The following FER1L5 variants were observed in gnomAD, a reference collection of about 807,000 sequenced individuals.
FER1L5 encodes the protein fer-1 like family member 5.
FER1L5 carries 187 observed loss-of-function variants against 279.9 expected under a neutral mutation model. The observed-to-expected ratio is 0.67, with a 90% CI of 0.59 to 0.75. The LOEUF (loss-of-function observed/expected upper bound fraction) is 0.75, where lower values mean the gene tolerates loss of function less well. FER1L5 is among the 30% of genes least tolerant of loss of function. The pLI is 0.00. For missense variants in FER1L5, 2,091 were observed against 2,594.4 expected (o/e 0.81, Z 4.21); for synonymous variants, 921 against 989.7 (o/e 0.93, Z 1.30).
intron 27 of FER1L5, 129 bp downstream of exon 27, chr2:96,690,718 C>T: frequency 1.3e-6 from 1 of 776,532 alleles, no homozygotes; most frequent in Non-Finnish European, 2.1e-6. Context: ...CCCCTGGCCT[C>T]CAGAGCTGGG....
intron 23 of FER1L5, among the ~76,000 whole-genome samples, chr2:96,686,713 C>A (rs1382808545): frequency 1.3e-5 from 2 of 152,096 alleles, no homozygotes; most frequent in Non-Finnish European, 2.9e-5. Context: ...AAAAAATTAG[C>A]TGGGCATGGT....
At chr2:96,688,659 A>G (rs1006301137) in intron 24 of FER1L5, among the ~76,000 whole-genome samples, 2 of 151,870 alleles carry the variant, frequency 1.3e-5, no homozygotes, top group African/African-American at 4.8e-5. Context: ...TGGATACATC[A>G]TAATATGTCT....
In FER1L5 at chr2:96,652,013, T is replaced by A. The variant is rs1197533149; in HGVS notation, c.626T>A (p.Phe209Tyr). ...ATCAAGATGGGAAACAACCCTTTCT[T>A]TAATGAGGTGGGCTGAACGGGGCAC... ...TRIKMGNNPF[F>Y]NEIFFQNFHE... The change falls in exon 7 of 53, where the codon TTT becomes TAT. Residue 209 changes from phenylalanine (F) to tyrosine (Y), a missense_variant. Transcript: ENST00000624922. 6.4e-7 allele frequency: 1 copy of A among 1,551,606 alleles called. No homozygotes were observed. The highest frequency in any genetic ancestry group is 1.4e-5 in the African/African-American group (1 of 73,058).
intron 18 of FER1L5, among the ~76,000 whole-genome samples, chr2:96,670,780 C>T (rs879295362): frequency 4.7e-5 from 7 of 149,630 alleles, no homozygotes; most frequent in African/African-American, 9.9e-5. Context: ...AGCAAGACTC[C>T]GTCTGAAAAA....
rs1207960921 is a variant in FER1L5 at position 96,669,137 on chromosome 2, T to A, written c.1362T>A (p.Ala454=). ...KAPFRIQEEG[A]CIPDSVRDGL... is the part of the protein sequence containing the mutation. ...CTTTCAGGATCCAGGAAGAAGGCGC[T>A]GTAAGCTTCTCACATCAGCTCTAGG... The change falls in exon 17 of 53, where the codon GCT becomes GCA. Residue 454 remains alanine, a splice_region_variant and synonymous_variant. Transcript: ENST00000624922. 1 of 1,551,294 alleles carries A rather than the reference T, an allele frequency of 6.4e-7. No individual in the cohort carries two copies. The highest frequency in any genetic ancestry group is 2.0e-5 in the Admixed American group (1 of 50,978).
intron 5 of FER1L5, 114 bp from the exon 6 acceptor site, chr2:96,650,066 G>C: frequency 1.2e-6 from 1 of 803,804 alleles, no homozygotes; most frequent in Non-Finnish European, 2.1e-6. Flanking sequence ...GGGCCTCTTG[G>C]CCATGCTTTT....
At chr2:96,681,011 G>A (rs933391988) in intron 19 of FER1L5, among the ~76,000 whole-genome samples, 20 of 152,326 alleles carry the variant, frequency 1.3e-4, no homozygotes, top group South Asian at 2.1e-4. Context: ...GGCGTGAGCC[G>A]CCGTTGCCCT....
Position 96,689,627 on chromosome 2 carries a change from G to T in FER1L5, c.2526-17G>T, listed in dbSNP as rs1299934311. The stretch of plus-strand genomic sequence containing the variant: ...TTGGGGAGTTGTGCTGGGAACTTGG[G>T]GTCTCATTACCCCCAGGCTCCTCCT... On this transcript the variant is annotated splice_polypyrimidine_tract_variant and intron_variant, in intron 25 of 52. Coordinates refer to ENST00000624922, the MANE Select transcript of FER1L5 (RefSeq NM_001293083.2). The surrounding 1 kb of genome is among the most constrained non-coding windows in gnomAD (Gnocchi z 4.6). 1.9e-6 allele frequency: 3 copies of T among 1,547,888 alleles called. No homozygotes were observed. In the East Asian group the frequency reaches 7.3e-5, roughly 38 times the overall value.
chr2:96,651,379 T>G (rs971676489), intron 6 of FER1L5, among the ~76,000 whole-genome samples: 1 of 150,990 alleles, frequency 6.6e-6, no homozygotes, highest in African/African-American at 2.4e-5. Flanking sequence ...CTTCCTTCTT[T>G]CCTTTCTTTT....
intron 19 of FER1L5, among the ~76,000 whole-genome samples, chr2:96,680,242 T>C (rs566210784): frequency 3.3e-5 from 5 of 152,120 alleles, no homozygotes; most frequent in Admixed American, 2.0e-4. Context: ...GAGAGGAAAA[T>C]TGCTGTTGTG....
chr2:96,686,246 C>T lies in FER1L5; in HGVS notation c.2125C>T (p.Arg709Ter), dbSNP rs372258912. 61 of 1,551,464 alleles carry T rather than the reference C, an allele frequency of 3.9e-5. No individual in the cohort carries two copies. The highest frequency in any genetic ancestry group is 5.0e-5 in the Non-Finnish European group (57 of 1,146,870). Residue 709 changes from arginine (R) to a stop codon, truncating the protein, a stop_gained, in exon 23 of 53, where the codon CGA (arginine) becomes TGA (stop). Transcript: ENST00000624922. LOFTEE classifies it high-confidence loss of function. ...GATTTGGCTGGTGGCCAAGGAGCAG[C>T]GAGTGGCCTATGCACAGGTGCCTGC... ...VMIWLVAKEQRVAYAQVPAHS... is the reference protein window; with the variant it reads ...VMIWLVAKEQ
intron 4 of FER1L5, among the ~76,000 whole-genome samples, chr2:96,648,706 G>A (rs1383343405): frequency 6.6e-6 from 1 of 152,218 alleles, no homozygotes; most frequent in Non-Finnish European, 1.5e-5. Context: ...TCCTGGGCTG[G>A]TTACTGTAGA....
chr2:96,652,062 G>T (rs2075404117), intron 7 of FER1L5, 42 bp downstream of exon 7: 1 of 1,550,640 alleles, frequency 6.4e-7, no homozygotes, highest in Non-Finnish European at 8.7e-7. Flanking sequence ...CCAGCCAAGG[G>T]CTGGGCATCC....
In FER1L5 at chr2:96,689,428, G is replaced by A. The variant is rs1473920349; in HGVS notation, c.2525+52G>A. On this transcript the variant is annotated intron_variant, in intron 25 of 52. Coordinates refer to ENST00000624922, the MANE Select transcript of FER1L5 (RefSeq NM_001293083.2). This position sits in a 1 kb window ranked among gnomAD's most constrained non-coding sequence, Gnocchi z 4.6. Reference sequence around the variant, plus strand: ...CAGAGGGGACACTTCACCTGGGAGGGCCAGTCCGCGGCAGCCCAGAAAGAT... The same window carrying A: ...CAGAGGGGACACTTCACCTGGGAGGACCAGTCCGCGGCAGCCCAGAAAGAT... The A allele has an allele frequency of 1.3e-6, 2 of 1,537,382 alleles. No homozygotes were observed. The highest frequency in any genetic ancestry group is 4.3e-5 in the Admixed American group (2 of 46,344).
In FER1L5 at chr2:96,694,397, C is replaced by A; in HGVS notation, c.3674C>A (p.Pro1225His). 6.4e-7 allele frequency: 1 copy of A among 1,550,818 alleles called. No homozygotes were observed. The highest frequency in any genetic ancestry group is 8.7e-7 in the Non-Finnish European group (1 of 1,146,544). The change falls in exon 34 of 53, where the codon CCC (proline) becomes CAC (histidine). Residue 1225 changes from proline to histidine, a missense_variant. Pro to His is a moderately conservative substitution (Grantham distance 77). Transcript: ENST00000624922. The surrounding 1 kb of genome is among the most constrained non-coding windows in gnomAD (Gnocchi z 4.6). Reference sequence around the variant, plus strand: ...AAGCAGCTGCCTATCTTAAGCGTTCCCTGGAAGAATGGGGCATACACACTC... The same window carrying A: ...AAGCAGCTGCCTATCTTAAGCGTTCACTGGAAGAATGGGGCATACACACTC... ...GEKQLPILSV[P>H]WKNGAYTLPK... is the part of the protein sequence containing the mutation.
At chr2:96,649,733 C>T in intron 5 of FER1L5, 56 bp downstream of exon 5, 3 of 1,519,244 alleles carry the variant, frequency 2.0e-6, no homozygotes, top group Non-Finnish European at 2.7e-6. Context: ...TCTGCATGCA[C>T]AGCTGGATGG....
In FER1L5 at chr2:96,653,663, G is replaced by A. The variant is rs1170239732; in HGVS notation, c.657G>A (p.Glu219=). The change falls in exon 8 of 53, where the codon GAG becomes GAA. Residue 219 remains glutamate, a synonymous_variant. Coordinates refer to ENST00000624922, the MANE Select transcript of FER1L5 (RefSeq NM_001293083.2). ...FNEIFFQNFH[E]VPAKFFDETI... ...AGATCTTCTTCCAGAATTTTCATGAGGTTCCTGCAAAGTTCTTTGATGAGA... is the reference window on the plus strand; with the variant it reads ...AGATCTTCTTCCAGAATTTTCATGAAGTTCCTGCAAAGTTCTTTGATGAGA... 3 of 1,551,472 alleles carry A rather than the reference G, an allele frequency of 1.9e-6. No homozygotes were observed. Among genetic ancestry groups the A allele is most frequent in the Non-Finnish European group, 2.6e-6 (3 of 1,146,946 alleles).
chr2:96,644,925 G>A (rs888877875), intron 1 of FER1L5, among the ~76,000 whole-genome samples: 2 of 152,154 alleles, frequency 1.3e-5, no homozygotes, highest in South Asian at 2.1e-4. Context: ...CACCTCATGG[G>A]CACCATCTTT....
Position 96,698,083 on chromosome 2 carries a change from AG to A in FER1L5, c.4285del (p.Asp1429ThrfsTer20). 6.3e-7 allele frequency: 1 copy of A among 1,589,776 alleles called. No individual in the cohort carries two copies. The highest frequency in any genetic ancestry group is 8.6e-7 in the Non-Finnish European group (1 of 1,168,244). ...GCCGTGCCAGCCTTCCAGGGCCTGCAGGACTTCTGCCAGACCTTCAAACTCT... is the reference window on the plus strand; with the variant it reads ...GCCGTGCCAGCCTTCCAGGGCCTGCAGACTTCTGCCAGACCTTCAAACTCT... ...LEAVPAFQGL[Q>X]DFCQTFKLYQ... is the part of the protein sequence containing the mutation. On this transcript the variant is annotated frameshift_variant, in exon 40 of 53. Transcript: ENST00000624922. LOFTEE classifies it high-confidence loss of function. This position sits in a 1 kb window ranked among gnomAD's most constrained non-coding sequence, Gnocchi z 5.5.
Sources: allele counts gnomAD v4.1 joint callset (sites outside exome capture counted in the v4.1 genomes callset), GRCh38; gene constraint gnomAD v4.1.1; non-coding constraint Gnocchi (gnomAD v3.1); transcripts MANE v1.5; gene names NCBI Gene and HGNC (gene_info 2026-07-23, HGNC 2026-07-21).